Variants in CCDC171 observed in about 807,000 individuals in gnomAD.
The protein encoded by CCDC171 is coiled-coil domain-containing protein 171.
A neutral mutation model predicts 168.2 loss-of-function variants in CCDC171; 177 were observed. The ratio of observed to expected loss-of-function variants is 1.05; its 90% CI spans 0.93 to 1.19. The LOEUF (loss-of-function observed/expected upper bound fraction) is 1.19, where lower values mean the gene tolerates loss of function less well. CCDC171 is among the 50% of genes most tolerant of loss of function. CCDC171 has a pLI of 0.00. For missense variants in CCDC171, 1,991 were observed against 1,539.0 expected (o/e 1.29, Z -4.91); for synonymous variants, 687 against 540.8 (o/e 1.27, Z -3.75).
At chr9:15,617,575 A>G (rs2044179796) in intron 6 of CCDC171, among the ~76,000 whole-genome samples, 1 of 151,798 alleles carries the variant, frequency 6.6e-6, no homozygotes. Context: ...ACGGGGTTTC[A>G]CCATGTTAGC....
chr9:15,596,086 C>T (rs1319173824), intron 6 of CCDC171, among the ~76,000 whole-genome samples: 3 of 152,124 alleles, frequency 2.0e-5, no homozygotes, highest in Non-Finnish European at 4.4e-5. Context: ...TTCTCCCATT[C>T]TGTAGGTTGC....
chr9:16,035,652 T>G (rs1262518043), intron 7 of CCDC171: 1 of 152,226 alleles, frequency 6.6e-6, no homozygotes, highest in Non-Finnish European at 1.5e-5. Context: ...CCAGGAAAGA[T>G]TTACCTTTCT....
chr9:15,715,528 C>T (rs6474955), intron 11 of CCDC171, among the ~76,000 whole-genome samples: 74,448 of 151,924 alleles, frequency 0.49, 18,661 homozygotes, highest in East Asian at 0.78. Flanking sequence ...AACATTATTT[C>T]CTGTTTTCTA....
At chr9:15,825,494 T>G (rs2059974532) in intron 21 of CCDC171, among the ~76,000 whole-genome samples, 1 of 152,128 alleles carries the variant, frequency 6.6e-6, no homozygotes, top group Non-Finnish European at 1.5e-5. Context: ...GAAAGTTAAT[T>G]AAGGATTAGA....
rs759940683 is a variant in CCDC171 at position 15,744,427 on chromosome 9, C to T, written c.2204C>T (p.Ala735Val). Residue 735 changes from alanine to valine, a missense_variant, in exon 17 of 26, where the codon GCT becomes GTT. Ala to Val is a moderately conservative substitution (Grantham distance 64). Transcript: ENST00000380701. ...TTGCTGGCAGCCTGTGCATTAATGG[C>T]TGGTGCCTTATATCCCCTCTATAGC... is the stretch of plus-strand genomic sequence containing the variant. ...MSLLAACALM[A>V]GALYPLYSRS... is the part of the protein sequence containing the mutation. 1.1e-5 allele frequency: 17 copies of T among 1,614,006 alleles called. No homozygotes were observed. The highest frequency in any genetic ancestry group is 1.2e-5 in the Non-Finnish European group (14 of 1,180,034).
chr9:16,101,476 G>C, the CCDC171 span, among the ~76,000 whole-genome samples: 3 of 152,220 alleles, frequency 2.0e-5, no homozygotes, highest in African/African-American at 4.8e-5. Context: ...CCGTGAATGT[G>C]ATGCAACATC....
In CCDC171 at chr9:15,637,164, C is replaced by A. The variant is rs1453665895; in HGVS notation, c.822+13751C>A. On this transcript the variant is annotated intron_variant, in intron 7 of 25. Coordinates refer to ENST00000380701, the MANE Select transcript of CCDC171 (RefSeq NM_173550.4). ...CTAGCTGCTCTGGAGGCTGAGACAG[C>A]AAAATCACTTGAACCTGGGAGGTGG... is the stretch of plus-strand genomic sequence containing the variant. Among the ~76,000 whole-genome samples, 3 of 152,042 alleles carry A rather than the reference C, an allele frequency of 2.0e-5. No homozygotes were observed. The East Asian group carries it at 5.8e-4, about 30-fold the overall frequency.
At chr9:15,890,315 G>A (rs1820028616) in intron 24 of CCDC171, among the ~76,000 whole-genome samples, 1 of 152,144 alleles carries the variant, frequency 6.6e-6, no homozygotes, top group Non-Finnish European at 1.5e-5. Flanking sequence ...TTCTTGCTGG[G>A]TGATTAGGAG....
intron 21 of CCDC171, among the ~76,000 whole-genome samples, chr9:15,788,793 T>C (rs2058099854): frequency 1.3e-5 from 2 of 152,186 alleles, no homozygotes; most frequent in South Asian, 2.1e-4. Context: ...GTTCAAGCGA[T>C]CCCCTTGTCT....
chr9:15,777,243 A>C (rs752771580), intron 18 of CCDC171, among the ~76,000 whole-genome samples: 2 of 152,236 alleles, frequency 1.3e-5, no homozygotes, highest in Non-Finnish European at 2.9e-5. Context: ...GTCTGAGAAT[A>C]TAAATAGTAT....
At chr9:15,595,546 CATT>C (rs2042285444) in intron 6 of CCDC171, among the ~76,000 whole-genome samples, 1 of 152,148 alleles carries the variant, frequency 6.6e-6, no homozygotes, top group Non-Finnish European at 1.5e-5. Flanking sequence ...TCCAGTCTAT[CATT>C]GTTGGACATT....
At chr9:16,073,938 T>G in the CCDC171 span, among the ~76,000 whole-genome samples, 1 of 152,160 alleles carries the variant, frequency 6.6e-6, no homozygotes, top group Non-Finnish European at 1.5e-5. Context: ...TTTGGTAGAG[T>G]ATCTCACTGC....
chr9:15,855,474 A>G (rs1489378921), intron 23 of CCDC171, among the ~76,000 whole-genome samples: 1 of 151,864 alleles, frequency 6.6e-6, no homozygotes, highest in African/African-American at 2.4e-5. Context: ...TGTAAAATGA[A>G]TCACGTTTTG....
At chr9:15,998,843 T>C (rs1196263180) in intron 3 of CCDC171, among the ~76,000 whole-genome samples, 4 of 152,198 alleles carry the variant, frequency 2.6e-5, no homozygotes, top group Admixed American at 2.6e-4. Context: ...GGACAGTTCT[T>C]GCCCCTACTC....
At position 15,639,573 on chromosome 9, in the gene CCDC171, T is replaced by A. The variant is rs114551912; in HGVS notation, c.822+16160T>A. Among the ~76,000 whole-genome samples, 904 of 152,264 alleles carry A rather than the reference T, an allele frequency of 5.9e-3. 7 individuals are homozygous for A. Among genetic ancestry groups the A allele is most frequent in the African/African-American group, 0.021 (880 of 41,578 alleles). On this transcript the variant is annotated intron_variant, in intron 7 of 25. Transcript: ENST00000380701. ...TATAATCTGAGTGGTATACTTCATT[T>A]CTTGCTGAATAAAAAAATTACAGTG...
At chr9:15,623,477 A>ACGCGCGCG (rs1312830159) in intron 7 of CCDC171, 64 bp downstream of exon 7, 5 of 319,970 alleles carry the variant, frequency 1.6e-5, no homozygotes, top group Admixed American at 1.1e-4. Context: ...GCGCGCGCGC[A>ACGCGCGCG]CACACACACA....
At chr9:15,716,278 T>G (rs2053081181) in intron 11 of CCDC171, among the ~76,000 whole-genome samples, 1 of 152,228 alleles carries the variant, frequency 6.6e-6, no homozygotes, top group Admixed American at 6.5e-5. Context: ...GGAATTTCAC[T>G]TTTGAAAAGC....
intron 24 of CCDC171, among the ~76,000 whole-genome samples, chr9:15,898,363 C>T (rs1821174482): frequency 6.6e-6 from 1 of 152,140 alleles, no homozygotes; most frequent in Non-Finnish European, 1.5e-5. Flanking sequence ...TACATTGACT[C>T]TTTTGAGGCA....
At chr9:15,555,170 C>A (rs1394290869) in intron 1 of CCDC171, among the ~76,000 whole-genome samples, 2 of 152,116 alleles carry the variant, frequency 1.3e-5, no homozygotes, top group East Asian at 3.8e-4. Flanking sequence ...CCTCAATTAC[C>A]CTTTTATCTA....
Sources: allele counts gnomAD v4.1 joint callset (sites outside exome capture counted in the v4.1 genomes callset), GRCh38; gene constraint gnomAD v4.1.1; transcripts MANE v1.5; gene names NCBI Gene and HGNC (gene_info 2026-07-23, HGNC 2026-07-21).